The following RAPGEF5 variants were observed in gnomAD, a reference collection of about 807,000 sequenced individuals.
RAPGEF5 encodes M-Ras-regulated GEF.
RAPGEF5 carries 65 observed loss-of-function variants against 125.2 expected under a neutral mutation model. That is an observed-to-expected ratio of 0.52 (90% confidence interval 0.43 to 0.64). The LOEUF (loss-of-function observed/expected upper bound fraction) is 0.64. RAPGEF5 is among the 30% of genes least tolerant of loss of function. RAPGEF5 has a pLI of 0.00. For synonymous variants in RAPGEF5, 391 were observed against 385.9 expected, an observed-to-expected ratio of 1.01 and a Z score of -0.16; for missense variants, 958 against 1,048.1, an observed-to-expected ratio of 0.91 and a Z score of 1.19.
intron 6 of RAPGEF5, among the ~76,000 whole-genome samples, chr7:22,279,364 C>T (rs1782624468): frequency 1.3e-5 from 2 of 152,120 alleles, no homozygotes; most frequent in Non-Finnish European, 2.9e-5. Flanking sequence ...TAAAATGGTG[C>T]TTTAATTTTT....
rs1203491987 is a variant in RAPGEF5, at chr7:22,150,485, T to C, written c.1806A>G (p.Pro602=). The C allele has an allele frequency of 1.3e-6, 2 of 1,599,612 alleles. No homozygotes were observed. Among genetic ancestry groups the C allele is most frequent in the Admixed American group, 3.4e-5 (2 of 58,182 alleles). ...GGGATTTGGAGATGACTAAGTCATT[T>C]GGCTGAAGTTCATGCTTTTCTTTAT... The part of the protein sequence containing the change: ...TFSGEKHELQ[P]NDLVISKSLE... The change falls in exon 18 of 26, where the codon CCA becomes CCG. Residue 602 remains proline, a synonymous_variant. Transcript: ENST00000665637.
At position 22,193,467 on chromosome 7, in the gene RAPGEF5, CAG is replaced by C. The variant is rs759182050; in HGVS notation, c.1116-14_1116-13del. 110 of 1,579,928 alleles carry C rather than the reference CAG, an allele frequency of 7.0e-5. No homozygotes were observed. Among genetic ancestry groups the C allele is most frequent in the Admixed American group, 1.8e-5 (1 of 55,266 alleles). ...ACACCACCACATATCTGTCAGAGAG[CAG>C]AGAGTCCACTGAGTCATCCTCGGTG... On this transcript the variant is annotated splice_polypyrimidine_tract_variant and intron_variant, in intron 10 of 25. Coordinates refer to ENST00000665637, the MANE Select transcript of RAPGEF5 (RefSeq NM_012294.5).
intron 12 of RAPGEF5, among the ~76,000 whole-genome samples, chr7:22,164,357 T>A (rs1321879962): frequency 2.0e-5 from 3 of 152,144 alleles, no homozygotes; most frequent in Non-Finnish European, 4.4e-5. Flanking sequence ...TATTTCCCCT[T>A]AAACAAATGT....
rs1278449512 is a variant in RAPGEF5, at chr7:22,121,663, C to G, written c.*743G>C. The G allele has an allele frequency of 1.3e-5, 2 of 152,266 alleles. No individual in the cohort carries two copies. Among genetic ancestry groups the G allele is most frequent in the Admixed American group, 1.3e-4 (2 of 15,280 alleles). 9.4% of individuals were successfully genotyped at this position (152,266 alleles called of 1,614,324 possible). A position where few individuals can be genotyped will look rare whatever the true frequency, so the allele number is the denominator to read the frequency against. ...AATCCCCAGAAATTAAACAATGAGT[C>G]AATTTCTTAAAGATTACTATTTTTC... On this transcript the variant is annotated 3_prime_UTR_variant, in exon 26 of 26. Transcript: ENST00000665637.
intron 1 of RAPGEF5, among the ~76,000 whole-genome samples, chr7:22,332,670 T>C (rs1783945464): frequency 6.6e-6 from 1 of 152,258 alleles, no homozygotes; most frequent in Non-Finnish European, 1.5e-5. Context: ...TTTCCAGTTA[T>C]AAATTAATTC....
chr7:22,346,087 G>C (rs888754732), intron 1 of RAPGEF5, among the ~76,000 whole-genome samples: 3 of 152,092 alleles, frequency 2.0e-5, no homozygotes, highest in African/African-American at 7.2e-5. Context: ...TGTCCTACTG[G>C]TTGAGGTGTC....
chr7:22,259,899 A>G (rs1469024976), intron 7 of RAPGEF5, among the ~76,000 whole-genome samples: 1 of 152,200 alleles, frequency 6.6e-6, no homozygotes, highest in Non-Finnish European at 1.5e-5. Flanking sequence ...CGCCCAGCCC[A>G]ACATGGTGAA....
intron 3 of RAPGEF5, among the ~76,000 whole-genome samples, chr7:22,313,924 G>A (rs139911831): frequency 1.3e-5 from 2 of 152,264 alleles, no homozygotes; most frequent in East Asian, 3.9e-4. Context: ...CTAACCTCAT[G>A]GTTCTCAGAC....
intron 9 of RAPGEF5, among the ~76,000 whole-genome samples, chr7:22,218,679 C>T (rs558123706): frequency 3.3e-5 from 5 of 152,218 alleles, no homozygotes; most frequent in Admixed American, 6.5e-5. Flanking sequence ...AGAGGTTAGG[C>T]GTCAGTCTAT....
intron 1 of RAPGEF5, chr7:22,355,921 C>G: frequency 2.1e-6 from 2 of 971,828 alleles, no homozygotes; most frequent in Non-Finnish European, 2.4e-6. Context: ...CACATTGATG[C>G]AGCTTCTCAT....
At chr7:22,171,252 A>C (rs1784341227) in intron 11 of RAPGEF5, among the ~76,000 whole-genome samples, 1 of 152,160 alleles carries the variant, frequency 6.6e-6, no homozygotes, top group South Asian at 2.1e-4. Flanking sequence ...AAGACTTACA[A>C]ATCCACTGGC....
intron 1 of RAPGEF5, among the ~76,000 whole-genome samples, chr7:22,345,723 G>C (rs1392840956): frequency 7.4e-6 from 1 of 134,588 alleles, no homozygotes; most frequent in Non-Finnish European, 1.6e-5. Context: ...TTTTTTTAGA[G>C]AGTTATGTGC....
chr7:22,140,293 G>A (rs569217593), intron 20 of RAPGEF5, among the ~76,000 whole-genome samples, 178 bp from the exon 21 acceptor site: 2 of 152,200 alleles, frequency 1.3e-5, no homozygotes, highest in African/African-American at 4.8e-5. Flanking sequence ...GATTCCAAAC[G>A]CCTCAGCTCA....
intron 7 of RAPGEF5, among the ~76,000 whole-genome samples, chr7:22,245,413 CT>C (rs1387364947): frequency 1.3e-5 from 2 of 152,088 alleles, no homozygotes; most frequent in African/African-American, 2.4e-5. Context: ...AGATTTCCCC[CT>C]ATGTTTTCTT....
At position 22,156,986 on chromosome 7, in the gene RAPGEF5, T is replaced by C. The variant is rs182866591; in HGVS notation, c.1558-98A>G. Reference sequence around the variant, plus strand: ...ATGTTCCAAAAGAACTAGCCAAATTTTTTTTTAATATGAAATCCACCCATC... The same window carrying C: ...ATGTTCCAAAAGAACTAGCCAAATTCTTTTTTAATATGAAATCCACCCATC... On this transcript the variant is annotated intron_variant, in intron 15 of 25. Transcript: ENST00000665637. 2.6e-4 allele frequency: 390 copies of C among 1,513,042 alleles called. 2 individuals carry two copies. Among genetic ancestry groups the C allele is most frequent in the Non-Finnish European group, 2.9e-4 (332 of 1,127,470 alleles). The allele number at this position is 1,513,042 out of a possible 1,614,324, so 93.7% of individuals were successfully genotyped here.
chr7:22,263,760 G>GA (rs1782217079), intron 7 of RAPGEF5, among the ~76,000 whole-genome samples: 3 of 147,962 alleles, frequency 2.0e-5, no homozygotes, highest in Admixed American at 6.7e-5. Flanking sequence ...AAAAGAAAAA[G>GA]AAAAAAGAAA....
chr7:22,350,103 T>C (rs1373922125), intron 1 of RAPGEF5, among the ~76,000 whole-genome samples: 1 of 152,212 alleles, frequency 6.6e-6, no homozygotes, highest in Non-Finnish European at 1.5e-5. Context: ...AGATCATATA[T>C]CATTACTGGA....
At chr7:22,249,238 C>A (rs188567506) in intron 7 of RAPGEF5, among the ~76,000 whole-genome samples, 3 of 152,168 alleles carry the variant, frequency 2.0e-5, no homozygotes, top group African/African-American at 7.2e-5. Context: ...GCCACCCAGG[C>A]TGAAGTGCAG....
At chr7:22,343,757 C>T (rs187152383) in intron 1 of RAPGEF5, among the ~76,000 whole-genome samples, 456 of 152,182 alleles carry the variant, frequency 3.0e-3, no homozygotes, top group Non-Finnish European at 4.4e-3. Flanking sequence ...TTATCCTATT[C>T]GACTATTTGT....
Sources: allele counts gnomAD v4.1 joint callset (sites outside exome capture counted in the v4.1 genomes callset), GRCh38; gene constraint gnomAD v4.1.1; transcripts MANE v1.5; gene names NCBI Gene and HGNC (gene_info 2026-07-23, HGNC 2026-07-21).